Variants in NAV3 observed in about 807,000 individuals in gnomAD.
NAV3 encodes neuron navigator 3.
A neutral mutation model predicts 244.7 loss-of-function variants in NAV3; 87 were observed. The ratio of observed to expected loss-of-function variants is 0.36; its 90% CI spans 0.30 to 0.42. The LOEUF (loss-of-function observed/expected upper bound fraction) is 0.42, where lower values mean the gene tolerates loss of function less well. Ranked by LOEUF, NAV3 falls within the 20% of genes least tolerant of loss-of-function variation. NAV3 has a pLI of 1.00. For missense variants in NAV3, 2,663 were observed against 2,893.3 expected (o/e 0.92, Z 1.83); for synonymous variants, 1,126 against 1,042.2 (o/e 1.08, Z -1.55).
At chr12:78,172,569 A>G (rs1020471789) in intron 24 of NAV3, among the ~76,000 whole-genome samples, 3 of 151,552 alleles carry the variant, frequency 2.0e-5, no homozygotes, top group Non-Finnish European at 4.4e-5. Context: ...GAAGGAGGGT[A>G]CCAAGGAACC....
chr12:77,830,744 C>T (rs1407843156), upstream of NAV3, among the ~76,000 whole-genome samples: 1 of 152,212 alleles, frequency 6.6e-6, no homozygotes, highest in Non-Finnish European at 1.5e-5. Context: ...GGAAATCAGA[C>T]AAACAACTTT....
intron 12 of NAV3, among the ~76,000 whole-genome samples, chr12:78,100,476 C>A (rs1954484272): frequency 6.6e-6 from 1 of 151,870 alleles, no homozygotes; most frequent in East Asian, 1.9e-4. Flanking sequence ...TCATTTTTAC[C>A]ACAAAATATA....
intron 11 of NAV3, among the ~76,000 whole-genome samples, chr12:78,057,302 A>C (rs1199290717): frequency 6.6e-6 from 1 of 152,226 alleles, no homozygotes; most frequent in Non-Finnish European, 1.5e-5. Context: ...AACTAATCTA[A>C]GAATTCTGTG....
intron 9 of NAV3, 74 bp downstream of exon 9, chr12:78,021,936 C>A: frequency 1.1e-6 from 1 of 886,376 alleles, no homozygotes; most frequent in Non-Finnish European, 1.8e-6. Context: ...TTTATTAAAT[C>A]ATATATGTGG....
chr12:77,715,657 A>G (rs2137270578), intron 2 of NAV3, among the ~76,000 whole-genome samples: 1 of 152,136 alleles, frequency 6.6e-6, no homozygotes, highest in East Asian at 1.9e-4. Context: ...ATAATTTTTG[A>G]AGCAGAGTTC....
intron 12 of NAV3, among the ~76,000 whole-genome samples, chr12:78,079,760 A>T (rs1157481646): frequency 6.6e-6 from 1 of 152,206 alleles, no homozygotes; most frequent in Non-Finnish European, 1.5e-5. Context: ...ATCTCCAAAG[A>T]GAACACTGTA....
intron 2 of NAV3, among the ~76,000 whole-genome samples, chr12:77,777,536 C>T (rs1343153777): frequency 6.6e-6 from 1 of 152,182 alleles, no homozygotes; most frequent in Admixed American, 6.5e-5. Flanking sequence ...TATCATGTTA[C>T]TCAGAATGGA....
intron 12 of NAV3, among the ~76,000 whole-genome samples, chr12:78,105,832 CT>C (rs1439641605): frequency 6.6e-6 from 1 of 151,540 alleles, no homozygotes; most frequent in Non-Finnish European, 1.5e-5. Flanking sequence ...TAGTTCTCTT[CT>C]TTTACTCATT....
chr12:77,704,812 A>G (rs147744423), intron 2 of NAV3, among the ~76,000 whole-genome samples: 1 of 152,242 alleles, frequency 6.6e-6, no homozygotes, highest in Non-Finnish European at 1.5e-5. Flanking sequence ...ATTTATTCAT[A>G]TTTCTCTTCT....
At chr12:77,778,480 C>A (rs1291391059) in intron 2 of NAV3, among the ~76,000 whole-genome samples, 5 of 151,536 alleles carry the variant, frequency 3.3e-5, no homozygotes, top group African/African-American at 1.2e-4. Flanking sequence ...GGCATGGTGG[C>A]GGGTGCCTGT....
At chr12:78,178,813 A>G (rs1420862867) in intron 28 of NAV3, among the ~76,000 whole-genome samples, 1 of 152,124 alleles carries the variant, frequency 6.6e-6, no homozygotes. Flanking sequence ...AATATAAAAC[A>G]ATTTTTTTGG....
chr12:77,796,090 G>C (rs1401465721), intron 2 of NAV3, among the ~76,000 whole-genome samples: 15 of 152,132 alleles, frequency 9.9e-5, no homozygotes, highest in Admixed American at 9.8e-4. Context: ...CATTTCATAA[G>C]GATATAGCTG....
chr12:77,928,344 T>C (rs1005728623), intron 1 of NAV3, among the ~76,000 whole-genome samples: 2 of 151,540 alleles, frequency 1.3e-5, no homozygotes, highest in East Asian at 3.9e-4. Context: ...TTTAAATGAA[T>C]GCCGAGGGGT....
At chr12:77,600,608 G>A (rs1412367440) in intron 2 of NAV3, among the ~76,000 whole-genome samples, 1 of 151,994 alleles carries the variant, frequency 6.6e-6, no homozygotes, top group Non-Finnish European at 1.5e-5. Flanking sequence ...TATTTCAGAA[G>A]GGGAAAAGTG....
intron 2 of NAV3, among the ~76,000 whole-genome samples, chr12:77,727,143 G>T (rs773328375): frequency 6.6e-6 from 1 of 151,950 alleles, no homozygotes; most frequent in African/African-American, 2.4e-5. Context: ...CCACTGAAAG[G>T]TTGGTGATGC....
chr12:78,035,615 T>A (rs558214193), intron 9 of NAV3, among the ~76,000 whole-genome samples: 1 of 152,224 alleles, frequency 6.6e-6, no homozygotes, highest in Non-Finnish European at 1.5e-5. Context: ...GTGCATTTTG[T>A]GTTATCTGTA....
chr12:77,689,806 A>G (rs1445663970), intron 2 of NAV3, among the ~76,000 whole-genome samples: 3 of 151,944 alleles, frequency 2.0e-5, no homozygotes, highest in Non-Finnish European at 4.4e-5. Context: ...CATAATGCAT[A>G]TATTTAGTAC....
intron 9 of NAV3, among the ~76,000 whole-genome samples, chr12:78,041,468 C>T (rs1880845188): frequency 1.3e-5 from 2 of 152,148 alleles, no homozygotes; most frequent in African/African-American, 4.8e-5. Context: ...GAGTGACTGC[C>T]TTGGTAAAGA....
intron 2 of NAV3, among the ~76,000 whole-genome samples, chr12:77,766,734 A>ATTT (rs1565805085): frequency 7.5e-5 from 4 of 53,344 alleles, no homozygotes; most frequent in African/African-American, 2.1e-4. Flanking sequence ...CAGGCAATTA[A>ATTT]GTTTTTTTTT....
Sources: allele counts gnomAD v4.1 joint callset (sites outside exome capture counted in the v4.1 genomes callset), GRCh38; gene constraint gnomAD v4.1.1; transcripts MANE v1.5; gene names NCBI Gene and HGNC (gene_info 2026-07-23, HGNC 2026-07-21).